The following PTPRG variants were observed in gnomAD, a reference collection of about 807,000 sequenced individuals.
The protein encoded by PTPRG is receptor-type tyrosine-protein phosphatase gamma.
PTPRG carries 102 observed loss-of-function variants against 165.3 expected under a neutral mutation model. That is an observed-to-expected ratio of 0.62 (90% CI 0.53 to 0.73). PTPRG has a LOEUF of 0.73. Among genes scored for constraint, PTPRG ranks in the 30% least tolerant of loss-of-function variants. The probability of loss-of-function intolerance (pLI) is 0.00; values close to 1 mark genes in which losing one functional copy is unlikely to be tolerated. For synonymous variants in PTPRG, 675 were observed against 669.5 expected (o/e 1.01, Z -0.13); for missense variants, 1,866 against 1,861.4 (o/e 1.00, Z -0.05).
chr3:62,143,707 A>G (rs767545196), intron 6 of PTPRG, among the ~76,000 whole-genome samples: 25 of 152,096 alleles, frequency 1.6e-4, no homozygotes, highest in Non-Finnish European at 4.4e-5. Flanking sequence ...GAATTTTGTT[A>G]TTTTTCACTT....
chr3:61,844,809 T>C (rs901959471), intron 2 of PTPRG, among the ~76,000 whole-genome samples: 4 of 152,150 alleles, frequency 2.6e-5, no homozygotes, highest in Non-Finnish European at 5.9e-5. Flanking sequence ...GGCCAGCATC[T>C]GTATATTATT....
chr3:61,886,190 A>G (rs2038031947), intron 2 of PTPRG, among the ~76,000 whole-genome samples: 1 of 152,094 alleles, frequency 6.6e-6, no homozygotes, highest in South Asian at 2.1e-4. Context: ...TTCAAATCAG[A>G]AGAACTGTCT....
chr3:62,143,929 G>C (rs908178114), intron 6 of PTPRG, among the ~76,000 whole-genome samples: 9 of 152,180 alleles, frequency 5.9e-5, no homozygotes, highest in African/African-American at 2.2e-4. Context: ...AATGCATTAA[G>C]ACAGGGAAAA....
rs1701143403 is a variant in PTPRG at position 62,240,851 on chromosome 3, C to T, written c.2376-2956C>T. Among the ~76,000 whole-genome samples, 1 of 152,236 alleles carries T rather than the reference C, an allele frequency of 6.6e-6. No homozygotes were observed. The highest frequency in any genetic ancestry group is 2.1e-4 in the South Asian group (1 of 4,834). On this transcript the variant is annotated intron_variant, in intron 14 of 29. Transcript: ENST00000474889. The surrounding 1 kb of genome is among the most constrained non-coding windows in gnomAD (Gnocchi z 5.1). ...TTCCTTCAGCCGACTTCATTTACCA[C>T]CACATCATTCTTATTTTCTTCATTG... is the stretch of plus-strand genomic sequence containing the variant.
rs115782776 is a variant in PTPRG at position 62,182,977 on chromosome 3, C to T, written c.1034-8492C>T. ...GCTAACAGTAACTATTTCTAAAGTA[C>T]GTTTGCTATATGTCAGTCCACGTGC... On this transcript the variant is annotated intron_variant, in intron 8 of 29. Transcript: ENST00000474889. 2.3e-3 allele frequency among the ~76,000 whole-genome samples: 345 copies of T among 152,258 alleles called. 1 individual carries two copies. The highest frequency in any genetic ancestry group is 7.8e-3 in the African/African-American group (324 of 41,572).
chr3:62,181,209 G>A (rs889313661), intron 8 of PTPRG, among the ~76,000 whole-genome samples: 5 of 152,144 alleles, frequency 3.3e-5, no homozygotes, highest in Admixed American at 2.6e-4. Flanking sequence ...GGGCAACTCC[G>A]CACCAGGGTC....
At chr3:61,785,465 A>G (rs2034667143) in intron 2 of PTPRG, among the ~76,000 whole-genome samples, 1 of 152,208 alleles carries the variant, frequency 6.6e-6, no homozygotes, top group Admixed American at 6.5e-5. Flanking sequence ...ATTCAGGCTA[A>G]TTAAAGACCT....
chr3:61,962,454 C>T (rs2040175323), intron 2 of PTPRG, among the ~76,000 whole-genome samples: 2 of 152,138 alleles, frequency 1.3e-5, no homozygotes, highest in South Asian at 2.1e-4. Flanking sequence ...ATGGGAATTA[C>T]ATAACCTATG....
At chr3:62,156,937 G>T (rs902780193) in intron 6 of PTPRG, 130 bp from the exon 7 acceptor site, 139 of 834,942 alleles carry the variant, frequency 1.7e-4, no homozygotes, top group Admixed American at 1.4e-3. Context: ...AAATGCTAGT[G>T]CTTCTCAGGA....
At chr3:61,767,631 A>G (rs931766217) in intron 2 of PTPRG, among the ~76,000 whole-genome samples, 1 of 152,226 alleles carries the variant, frequency 6.6e-6, no homozygotes, top group Non-Finnish European at 1.5e-5. Context: ...GTTCCAAGAC[A>G]CTTTGGTGGA....
Position 61,659,489 on chromosome 3 carries a change from G to A in PTPRG, c.86-89389G>A, listed in dbSNP as rs1702600849. 4.1e-6 allele frequency: 4 copies of A among 971,674 alleles called. No individual in the cohort carries two copies. The African/African-American group carries it at 7.0e-5, about 17-fold the overall frequency. 60.2% of individuals were successfully genotyped at this position (971,674 alleles called of 1,614,324 possible). On this transcript the variant is annotated intron_variant, in intron 1 of 29. Coordinates refer to ENST00000474889, the MANE Select transcript of PTPRG (RefSeq NM_002841.4). Reference sequence around the variant, plus strand: ...GGGTGACCAGGAAGGAGAGTCAGAAGAGAAGGTAGGGGTCTGGATCCTGAT... The same window carrying A: ...GGGTGACCAGGAAGGAGAGTCAGAAAAGAAGGTAGGGGTCTGGATCCTGAT...
At chr3:61,745,051 C>CTTTT (rs10669472) in intron 1 of PTPRG, among the ~76,000 whole-genome samples, 3,683 of 111,500 alleles carry the variant, frequency 0.033, 402 homozygotes, top group Non-Finnish European at 0.048. Flanking sequence ...CATTCCCTCA[C>CTTTT]TTTTTTTTTT....
At chr3:62,033,530 T>TGGCCCCCCCC in intron 4 of PTPRG, among the ~76,000 whole-genome samples, 1 of 134,180 alleles carries the variant, frequency 7.5e-6, no homozygotes, top group Non-Finnish European at 1.6e-5. Flanking sequence ...ATGCCTATCT[T>TGGCCCCCCCC]CCCCCCCCCA....
Position 62,267,404 on chromosome 3 carries a change from C to A in PTPRG, c.2657-6C>A. On this transcript the variant is annotated splice_region_variant and splice_polypyrimidine_tract_variant and intron_variant, in intron 17 of 29. Coordinates refer to ENST00000474889, the MANE Select transcript of PTPRG (RefSeq NM_002841.4). Reference sequence around the variant, plus strand: ...TATTTCTGTTTTTTTTTCTTATCTTCTATAGATGATCACAGTAGGGTGAAG... The same window carrying A: ...TATTTCTGTTTTTTTTTCTTATCTTATATAGATGATCACAGTAGGGTGAAG... 1 of 1,583,950 alleles carries A rather than the reference C, an allele frequency of 6.3e-7. No individual in the cohort carries two copies.
chr3:61,710,827 T>A (rs1207159085), intron 1 of PTPRG, among the ~76,000 whole-genome samples: 42 of 152,104 alleles, frequency 2.8e-4, no homozygotes, highest in Admixed American at 2.7e-3. Flanking sequence ...AAAGTGCAGG[T>A]TTATTACATA....
chr3:62,147,195 G>A (rs544577747), intron 6 of PTPRG, among the ~76,000 whole-genome samples: 5 of 152,304 alleles, frequency 3.3e-5, no homozygotes, highest in South Asian at 2.1e-4. Flanking sequence ...TTTCTGAACC[G>A]TAAGTGTGAA....
chr3:62,150,018 T>A (rs1704270876), intron 6 of PTPRG, among the ~76,000 whole-genome samples: 2 of 152,344 alleles, frequency 1.3e-5, no homozygotes, highest in South Asian at 4.2e-4. Context: ...CATGTAGCCA[T>A]GTAGCTCAGT....
At chr3:61,636,411 G>A (rs1178506960) in intron 1 of PTPRG, among the ~76,000 whole-genome samples, 1 of 152,036 alleles carries the variant, frequency 6.6e-6, no homozygotes, top group Non-Finnish European at 1.5e-5. Flanking sequence ...CATTTAATAG[G>A]TGGCCTTTTG....
At chr3:61,928,681 TC>T (rs1424784972) in intron 2 of PTPRG, among the ~76,000 whole-genome samples, 21 of 152,334 alleles carry the variant, frequency 1.4e-4, no homozygotes, top group Admixed American at 1.4e-3. Context: ...GATTTTTTTT[TC>T]ATTTCAGTTT....
Sources: gnomAD v4.1 joint callset for allele counts (sites outside exome capture counted in the v4.1 genomes callset) on GRCh38, gnomAD v4.1.1 for gene constraint, Gnocchi (gnomAD v3.1) non-coding constraint, MANE v1.5 for transcripts, NCBI Gene and HGNC (gene_info 2026-07-23, HGNC 2026-07-21) for gene names.